The following JAKMIP3 variants were observed in gnomAD, a reference collection of about 807,000 sequenced individuals.
The protein encoded by JAKMIP3 is janus kinase and microtubule-interacting protein 3.
A neutral mutation model predicts 118.5 loss-of-function variants in JAKMIP3; 58 were observed. The observed-to-expected ratio is 0.49, with a 90% confidence interval of 0.40 to 0.61. JAKMIP3 has a LOEUF of 0.61. Ranked by LOEUF, JAKMIP3 falls within the 20% of genes least tolerant of loss-of-function variation. The pLI is 0.00. For missense variants in JAKMIP3, 950 were observed against 1,109.0 expected (o/e 0.86, Z 2.04); for synonymous variants, 486 against 451.2 (o/e 1.08, Z -0.98).
chr10:132,161,831 G>A, intron 19 of JAKMIP3, among the ~76,000 whole-genome samples: 1 of 99,738 alleles, frequency 1.0e-5, no homozygotes, highest in Non-Finnish European at 2.0e-5. Context: ...CCTCTTCTTG[G>A]GTGAAGCTAG....
chr10:132,113,582 A>G (rs1321156080), intron 2 of JAKMIP3, among the ~76,000 whole-genome samples: 1 of 152,250 alleles, frequency 6.6e-6, no homozygotes, highest in Non-Finnish European at 1.5e-5. Context: ...ATGTTTGCTA[A>G]TAGAGGAATT....
chr10:132,128,162 G>T (rs2135572995), intron 3 of JAKMIP3, among the ~76,000 whole-genome samples: 1 of 152,348 alleles, frequency 6.6e-6, no homozygotes, highest in African/African-American at 2.4e-5. Context: ...TCATTTCCAA[G>T]GATGTATTCA....
At chr10:132,091,374 T>C (rs2043066756) in intron 1 of JAKMIP3, among the ~76,000 whole-genome samples, 1 of 152,176 alleles carries the variant, frequency 6.6e-6, no homozygotes, top group Non-Finnish European at 1.5e-5. Flanking sequence ...ATGTTGACAG[T>C]GGGGTGTCAA....
intron 23 of JAKMIP3, among the ~76,000 whole-genome samples, chr10:132,180,449 C>T (rs1459418093): frequency 3.7e-5 from 4 of 108,946 alleles, no homozygotes; most frequent in African/African-American, 6.4e-5. Flanking sequence ...GAGAAGATCA[C>T]GTTCCCTAGA....
intron 1 of JAKMIP3, 25 bp from the exon 2 acceptor site, chr10:132,104,647 C>T: frequency 1.4e-6 from 1 of 720,534 alleles, no homozygotes; most frequent in Non-Finnish European, 2.3e-6. Flanking sequence ...GGGAGCTGCT[C>T]ACCGCGGTGT....
chr10:132,145,112 T>A lies in JAKMIP3; in HGVS notation c.1608T>A (p.Arg536=). Residue 536 remains arginine, a synonymous_variant, in exon 12 of 24, where the codon CGT becomes CGA. Transcript: ENST00000684848. ...TLDAEREVKT[R]EQLQAEVQRA... is the part of the protein sequence containing the mutation. ...TCTTTCCTCCCGTCCTACAGACCCG[T>A]GAGCAGCTACAAGCCGAAGTGCAGA... is the stretch of plus-strand genomic sequence containing the variant. The A allele has an allele frequency of 6.2e-7, 1 of 1,612,086 alleles. No individual in the cohort carries two copies. Among genetic ancestry groups the A allele is most frequent in the Non-Finnish European group, 8.5e-7 (1 of 1,179,580 alleles).
At chr10:132,105,411 T>C (rs1014714503) in intron 2 of JAKMIP3, among the ~76,000 whole-genome samples, 1 of 152,244 alleles carries the variant, frequency 6.6e-6, no homozygotes, top group African/African-American at 2.4e-5. Context: ...CGTTAGCGAA[T>C]GTGGAGATGC....
intron 1 of JAKMIP3, among the ~76,000 whole-genome samples, chr10:132,052,950 A>G (rs1288225505): frequency 6.6e-6 from 1 of 152,238 alleles, no homozygotes; most frequent in Non-Finnish European, 1.5e-5. Context: ...TGTATTTGTC[A>G]ATTCTAATGT....
At chr10:132,046,593 G>T (rs1347023727) in intron 1 of JAKMIP3, among the ~76,000 whole-genome samples, 12 of 152,188 alleles carry the variant, frequency 7.9e-5, no homozygotes, top group Non-Finnish European at 1.8e-4. Flanking sequence ...TCAGCTGTGC[G>T]CATCCGCCAC....
At chr10:132,164,463 C>T (rs1307673516) in intron 20 of JAKMIP3, among the ~76,000 whole-genome samples, 2 of 152,194 alleles carry the variant, frequency 1.3e-5, no homozygotes, top group East Asian at 1.9e-4. Context: ...TTGTTCCCAC[C>T]ACGGGGAGTG....
At chr10:132,036,710 C>T (rs989293928) in exon 1 of JAKMIP3, among the ~76,000 whole-genome samples, 2 of 150,800 alleles carry the variant, frequency 1.3e-5, no homozygotes, top group Admixed American at 6.6e-5. Context: ...CCGTCGGACG[C>T]CGCCCAGAGT....
rs1236749650 is a variant in JAKMIP3 at position 132,093,655 on chromosome 10, G to A, written c.-137-11017G>A. On this transcript the variant is annotated intron_variant, in intron 1 of 23. Transcript: ENST00000684848. ...GTCCATCACCGCTTCCCTTGGCTAG[G>A]AAAGGGAATTCCTGACCCCTTGCAC... Among the ~76,000 whole-genome samples, 104 of 152,210 alleles carry A rather than the reference G, an allele frequency of 6.8e-4. 1 individual carries two copies. Among genetic ancestry groups the A allele is most frequent in the Non-Finnish European group, 4.4e-5 (3 of 68,034 alleles).
intron 3 of JAKMIP3, among the ~76,000 whole-genome samples, chr10:132,120,087 C>G (rs1452529450): frequency 6.6e-6 from 1 of 152,238 alleles, no homozygotes; most frequent in Non-Finnish European, 1.5e-5. Flanking sequence ...AGGGTCAGGT[C>G]GTCCCCAGGG....
At position 132,180,746 on chromosome 10, in the gene JAKMIP3, CGCGCGCGTGT is replaced by C. The variant is rs1314900380; in HGVS notation, c.*1104-1609_*1104-1600del. ...GTGTGTGTGCGTGTGTGCGTGCGTG[CGCGCGCGTGT>C]GTGCGTGTGTGTGCGTGTGTGTGTG... On this transcript the variant is annotated intron_variant, in intron 23 of 23. Coordinates refer to ENST00000684848, the MANE Select transcript of JAKMIP3 (RefSeq NM_001323087.2). Among the ~76,000 whole-genome samples, 44 of 10,746 alleles carry C rather than the reference CGCGCGCGTGT, an allele frequency of 4.1e-3. 13 individuals carry two copies. The highest frequency in any genetic ancestry group is 0.012 in the African/African-American group (43 of 3,460). The allele number at this position is 10,746 out of a possible 152,430, so 7.0% of individuals were successfully genotyped here. A position where few individuals can be genotyped will look rare whatever the true frequency, so the allele number is the denominator to read the frequency against.
At chr10:132,130,992 G>A (rs1489762393) in intron 3 of JAKMIP3, among the ~76,000 whole-genome samples, 1 of 151,654 alleles carries the variant, frequency 6.6e-6, no homozygotes, top group Non-Finnish European at 1.5e-5. Context: ...ATGCTTGGGG[G>A]CAGGCAAGTC....
chr10:132,124,293 C>G (rs1030705382), intron 3 of JAKMIP3, among the ~76,000 whole-genome samples: 10 of 152,324 alleles, frequency 6.6e-5, no homozygotes, highest in Non-Finnish European at 1.0e-4. Flanking sequence ...GCCCGTCCCA[C>G]CCTGGCACAT....
chr10:132,076,713 G>A (rs955491034), intron 1 of JAKMIP3, among the ~76,000 whole-genome samples: 7 of 148,338 alleles, frequency 4.7e-5, no homozygotes, highest in Admixed American at 4.7e-4. Flanking sequence ...GTCTTACCGT[G>A]TGAGGACTGG....
chr10:132,133,549 C>T (rs1226980775), intron 4 of JAKMIP3, 22 bp downstream of exon 4: 15 of 1,542,952 alleles, frequency 9.7e-6, no homozygotes, highest in Non-Finnish European at 1.2e-5. Context: ...CCAGGCCCAC[C>T]GGCCCACCCC....
chr10:132,143,000 G>T lies in JAKMIP3; in HGVS notation c.1602+952G>T, dbSNP rs577730414. Among the ~76,000 whole-genome samples, 22 of 152,122 alleles carry T rather than the reference G, an allele frequency of 1.4e-4. 1 individual carries two copies. The highest frequency in any genetic ancestry group is 2.8e-4 in the Non-Finnish European group (19 of 67,998). On this transcript the variant is annotated intron_variant, in intron 11 of 23. Transcript: ENST00000684848. ...GTCCACGCTAGTGCCCCAGGGAGCCGCCAGCCTCATCCTCTGTCCACCCAG... is the reference window on the plus strand; with the variant it reads ...GTCCACGCTAGTGCCCCAGGGAGCCTCCAGCCTCATCCTCTGTCCACCCAG...
Sources: gnomAD v4.1 joint callset for allele counts (sites outside exome capture counted in the v4.1 genomes callset) on GRCh38, gnomAD v4.1.1 for gene constraint, MANE v1.5 for transcripts, NCBI Gene and HGNC (gene_info 2026-07-23, HGNC 2026-07-21) for gene names.